GSE1: variants seen among roughly 807,000 people sequenced by gnomAD.
GSE1 encodes the protein Gse1 coiled-coil protein, also known as genetic suppressor element 1.
GSE1 carries 32 observed loss-of-function variants against 112.6 expected under a neutral mutation model. The ratio of observed to expected loss-of-function variants is 0.28; its 90% CI spans 0.21 to 0.38. The LOEUF (loss-of-function observed/expected upper bound fraction) is 0.38, where lower values mean the gene tolerates loss of function less well. GSE1 is among the 10% of genes least tolerant of loss of function. GSE1 has a pLI of 1.00. For synonymous variants in GSE1, 1,115 were observed against 735.6 expected (o/e 1.52, Z -8.35); for missense variants, 2,348 against 1,699.2 (o/e 1.38, Z -6.71).
At chr16:85,272,230 AT>A (rs1908913087) in intron 1 of GSE1, among the ~76,000 whole-genome samples, 1 of 152,164 alleles carries the variant, frequency 6.6e-6, no homozygotes, top group Non-Finnish European at 1.5e-5. Flanking sequence ...CGTGGAGCGG[AT>A]AGGGGCCCCT....
At chr16:85,559,289 G>A (rs991387166) in intron 1 of GSE1, among the ~76,000 whole-genome samples, 4 of 152,224 alleles carry the variant, frequency 2.6e-5, no homozygotes, top group Non-Finnish European at 5.9e-5. Flanking sequence ...AGACCCAGGG[G>A]CTCAGCAATT....
intron 1 of GSE1, chr16:85,594,249 A>AG (rs2047126556): frequency 1.1e-4 from 1 of 8,948 alleles, no homozygotes; most frequent in Admixed American, 1.1e-3. Flanking sequence ...GGGGGGGCGG[A>AG]GGGGACAGGC....
intron 1 of GSE1, among the ~76,000 whole-genome samples, chr16:85,308,029 G>A (rs760977535): frequency 2.6e-5 from 4 of 152,180 alleles, no homozygotes; most frequent in Admixed American, 1.3e-4. Context: ...GGGCTGTGCC[G>A]GCAGCGTGGA....
intron 1 of GSE1, among the ~76,000 whole-genome samples, chr16:85,292,915 C>A (rs185183389): frequency 6.6e-6 from 1 of 152,130 alleles, no homozygotes; most frequent in Non-Finnish European, 1.5e-5. Flanking sequence ...TGTGTGTGCA[C>A]GCAAATTAAA....
chr16:85,433,126 G>A (rs1420955250), intron 2 of GSE1, among the ~76,000 whole-genome samples: 2 of 151,980 alleles, frequency 1.3e-5, no homozygotes, highest in African/African-American at 2.4e-5. Context: ...CCAGGCAGGT[G>A]CTCTCTTGTT....
chr16:85,213,623 G>T (rs1243751546), intron 1 of GSE1, among the ~76,000 whole-genome samples: 2 of 152,262 alleles, frequency 1.3e-5, no homozygotes, highest in Admixed American at 6.5e-5. Flanking sequence ...GCAACAGCCA[G>T]CCCGTGTGTG....
intron 2 of GSE1, among the ~76,000 whole-genome samples, chr16:85,402,991 G>GA (rs2048151845): frequency 6.6e-6 from 1 of 152,056 alleles, no homozygotes; most frequent in Non-Finnish European, 1.5e-5. Context: ...GCGGGTCAGG[G>GA]ATCCGGATCC....
At chr16:85,638,706 A>C (rs1598497978) in intron 2 of GSE1, among the ~76,000 whole-genome samples, 1 of 85,080 alleles carries the variant, frequency 1.2e-5, no homozygotes, top group Non-Finnish European at 2.2e-5. Context: ...CACCTTCCCC[A>C]TTCTTGCCAC....
At chr16:85,593,999 T>G in intron 1 of GSE1, 1 of 151,926 alleles carries the variant, frequency 6.6e-6, no homozygotes, top group Admixed American at 6.6e-5. Context: ...CCTGCGCTTC[T>G]TTCTCTCCAA....
chr16:85,623,393 A>G (rs374227233), intron 1 of GSE1, among the ~76,000 whole-genome samples: 1 of 151,846 alleles, frequency 6.6e-6, no homozygotes, highest in East Asian at 1.9e-4. Flanking sequence ...TTGTCCAATC[A>G]TTTGCACCCT....
At chr16:85,537,006 C>T (rs751283616) in intron 2 of GSE1, among the ~76,000 whole-genome samples, 2 of 152,300 alleles carry the variant, frequency 1.3e-5, no homozygotes, top group East Asian at 1.9e-4. Context: ...GCAGGCCCCA[C>T]CCCGACGAGT....
chr16:85,188,222 G>T (rs1402582445), intron 1 of GSE1, among the ~76,000 whole-genome samples: 1 of 152,092 alleles, frequency 6.6e-6, no homozygotes, highest in African/African-American at 2.4e-5. Context: ...GTCCTTCACG[G>T]GGCTGCTGGG....
At chr16:85,357,553 C>T (rs1285725294) in exon 2 of GSE1, 1 of 1,287,550 alleles carries the variant, frequency 7.8e-7, no homozygotes, top group East Asian at 5.6e-5. Flanking sequence ...GGAGACCCTG[C>T]CCAGAGGCCC....
At chr16:85,237,541 G>T (rs1162475604) in intron 1 of GSE1, among the ~76,000 whole-genome samples, 3 of 151,536 alleles carry the variant, frequency 2.0e-5, no homozygotes, top group Non-Finnish European at 2.9e-5. Flanking sequence ...GGGAGCCACT[G>T]AAAGTGAGTG....
intron 2 of GSE1, among the ~76,000 whole-genome samples, chr16:85,408,462 G>T (rs1333231474): frequency 1.9e-5 from 1 of 52,482 alleles, no homozygotes; most frequent in Non-Finnish European, 3.7e-5. Flanking sequence ...GGGACCCCTG[G>T]ATAATCCTCA....
intron 2 of GSE1, among the ~76,000 whole-genome samples, chr16:85,640,170 A>G (rs914497705): frequency 6.6e-6 from 1 of 152,002 alleles, no homozygotes; most frequent in African/African-American, 2.4e-5. Flanking sequence ...TGGGCGCACA[A>G]GAGTCTGAGC....
In GSE1 at chr16:85,661,069, C is replaced by T. The variant is rs570128774; in HGVS notation, c.1641-77C>T. On this transcript the variant is annotated intron_variant, in intron 8 of 15. Coordinates refer to ENST00000253458, the MANE Select transcript of GSE1 (RefSeq NM_014615.5). ...TGCGCCATCTGTGTCATCTTAGGAG[C>T]GGCAGGCAGCCAGGGAAGCCTGTGG... The T allele has an allele frequency of 1.1e-4, 152 of 1,389,852 alleles. 1 individual carries two copies. The African/African-American group carries it at 1.8e-3, about 16-fold the overall frequency. 86.1% of individuals were successfully genotyped at this position (1,389,852 alleles called of 1,614,324 possible). A position where few individuals can be genotyped will look rare whatever the true frequency, so the allele number is the denominator to read the frequency against.
exon 1 of GSE1, chr16:85,556,078 G>A: frequency 1.0e-6 from 1 of 984,902 alleles, no homozygotes; most frequent in South Asian, 4.7e-5. Flanking sequence ...GATCTGCCAG[G>A]GCCAAGGTGG....
chr16:85,563,437 G>C (rs1435369102), intron 1 of GSE1, among the ~76,000 whole-genome samples: 1 of 152,204 alleles, frequency 6.6e-6, no homozygotes, highest in African/African-American at 2.4e-5. Context: ...GCTGGGGTTG[G>C]CGCTGGTCGT....
Sources: gnomAD v4.1 joint callset for allele counts (sites outside exome capture counted in the v4.1 genomes callset) on GRCh38, gnomAD v4.1.1 for gene constraint, MANE v1.5 for transcripts, NCBI Gene and HGNC (gene_info 2026-07-23, HGNC 2026-07-21) for gene names.